The following ARID4B variants were observed in gnomAD, a reference collection of about 807,000 sequenced individuals.
ARID4B encodes the protein AT-rich interactive domain-containing protein 4B.
In ARID4B, 26 loss-of-function variants were observed where a neutral mutation model predicts 147.5. That is an observed-to-expected ratio of 0.18 (90% CI 0.13 to 0.24). ARID4B has a LOEUF of 0.24. Ranked by LOEUF, ARID4B falls within the 10% of genes least tolerant of loss-of-function variation. The pLI, the probability that ARID4B is intolerant of heterozygous loss-of-function variation, is 1.00. For synonymous variants in ARID4B, 512 were observed against 507.9 expected (o/e 1.01, Z -0.11); for missense variants, 1,179 against 1,511.5 (o/e 0.78, Z 3.65).
At position 235,168,579 on chromosome 1, in the gene ARID4B, A is replaced by T. The variant is rs1663098860; in HGVS notation, c.3885T>A (p.Ala1295=). 2 of 1,614,010 alleles carry T rather than the reference A, an allele frequency of 1.2e-6. No individual in the cohort carries two copies. Among genetic ancestry groups the T allele is most frequent in the African/African-American group, 2.7e-5 (2 of 74,938 alleles). Residue 1295 remains alanine, a synonymous_variant, in exon 24 of 24, where the codon GCT becomes GCA. Transcript: ENST00000264183. ...GTGATGCGCTGGACATTGACGGTTCAGCTAAAGTTAACATAACAGCAGCTG... is the reference window on the plus strand; with the variant it reads ...GTGATGCGCTGGACATTGACGGTTCTGCTAAAGTTAACATAACAGCAGCTG... ...SITAAVMLTL[A]EPSMSSASQN...
At chr1:235,277,619 TG>T (rs1558271357) in intron 2 of ARID4B, among the ~76,000 whole-genome samples, 45 of 139,094 alleles carry the variant, frequency 3.2e-4, no homozygotes, top group African/African-American at 1.2e-3. Flanking sequence ...TGTGTGTGTG[TG>T]TGTGTGTGTG....
intron 2 of ARID4B, among the ~76,000 whole-genome samples, chr1:235,299,354 C>T (rs1672969728): frequency 6.6e-6 from 1 of 152,156 alleles, no homozygotes; most frequent in Non-Finnish European, 1.5e-5. Context: ...GCTGGGATTA[C>T]AGGAGCCCAC....
At chr1:235,242,706 A>G (rs917235474) in intron 7 of ARID4B, among the ~76,000 whole-genome samples, 2 of 152,202 alleles carry the variant, frequency 1.3e-5, no homozygotes, top group Admixed American at 1.3e-4. Context: ...AAGACTTAAC[A>G]AGTGTTAAGA....
chr1:235,233,457 A>T (rs771085744), intron 9 of ARID4B, among the ~76,000 whole-genome samples: 1 of 152,012 alleles, frequency 6.6e-6, no homozygotes, highest in Non-Finnish European at 1.5e-5. Flanking sequence ...AGTAAAATAA[A>T]ATAATTAAAA....
intron 2 of ARID4B, among the ~76,000 whole-genome samples, chr1:235,265,815 T>C (rs190714075): frequency 1.3e-5 from 2 of 152,270 alleles, no homozygotes; most frequent in Non-Finnish European, 2.9e-5. Context: ...TGCCTCAGCA[T>C]ACAATAACAG....
intron 3 of ARID4B, 74 bp from the exon 4 acceptor site, chr1:235,257,299 A>G: frequency 1.0e-6 from 1 of 965,726 alleles, no homozygotes; most frequent in Admixed American, 1.8e-5. Flanking sequence ...CCAATTATTC[A>G]TTTGTAGTAA....
At chr1:235,179,552 A>AAAAC (rs1664143674) in intron 20 of ARID4B, among the ~76,000 whole-genome samples, 1 of 149,758 alleles carries the variant, frequency 6.7e-6, no homozygotes, top group Admixed American at 6.7e-5. Flanking sequence ...AAAAAAAAAA[A>AAAAC]ACCCAACAAA....
chr1:235,173,472 T>C (rs911692541), intron 22 of ARID4B, among the ~76,000 whole-genome samples: 1 of 152,196 alleles, frequency 6.6e-6, no homozygotes, highest in Middle Eastern at 3.4e-3. Context: ...TGTTATTTTT[T>C]AGGTTTTTTT....
chr1:235,324,442 C>T (rs1375226924), intron 2 of ARID4B, among the ~76,000 whole-genome samples: 2 of 152,194 alleles, frequency 1.3e-5, no homozygotes, highest in East Asian at 3.8e-4. Context: ...AACACTTCAA[C>T]TTTAAAACAA....
intron 2 of ARID4B, among the ~76,000 whole-genome samples, chr1:235,285,699 G>C (rs894692315): frequency 3.9e-5 from 6 of 152,142 alleles, no homozygotes; most frequent in African/African-American, 1.2e-4. Context: ...AAATCCAAAG[G>C]AATCTACAAA....
chr1:235,327,185 T>G, intron 1 of ARID4B: 4 of 456,732 alleles, frequency 8.8e-6, no homozygotes, highest in Non-Finnish European at 1.2e-5. Context: ...CCCGTCCCCA[T>G]TGTCGAGACC....
chr1:235,281,412 G>A (rs1483612684), intron 2 of ARID4B, among the ~76,000 whole-genome samples: 4 of 152,104 alleles, frequency 2.6e-5, no homozygotes, highest in African/African-American at 7.2e-5. Flanking sequence ...TCAGCTGGGC[G>A]TGGTGGTGCA....
In ARID4B at chr1:235,167,924, T is replaced by A. The variant is rs1193413158; in HGVS notation, c.*601A>T. ...GCCACTGCAAGACCTTTTAGCCTAA[T>A]TCAAACCTGTAAACATGTTCAGTCT... On this transcript the variant is annotated 3_prime_UTR_variant, in exon 24 of 24. Transcript: ENST00000264183. 1 of 196,812 alleles carries A rather than the reference T, an allele frequency of 5.1e-6. No homozygotes were observed. Among genetic ancestry groups the A allele is most frequent in the Non-Finnish European group, 1.1e-5 (1 of 94,644 alleles). The allele number at this position is 196,812 out of a possible 1,614,324, so 12.2% of individuals were successfully genotyped here. A position where few individuals can be genotyped will look rare whatever the true frequency, so the allele number is the denominator to read the frequency against.
chr1:235,306,184 T>C (rs764452982), intron 2 of ARID4B, among the ~76,000 whole-genome samples: 5 of 152,210 alleles, frequency 3.3e-5, no homozygotes, highest in Non-Finnish European at 7.4e-5. Context: ...GATGTTACTT[T>C]AGCAATAAAG....
intron 2 of ARID4B, among the ~76,000 whole-genome samples, chr1:235,289,208 A>C (rs193284367): frequency 4.2e-4 from 64 of 152,362 alleles, no homozygotes; most frequent in African/African-American, 1.5e-3. Context: ...AAGGGAATTC[A>C]ATGTATGACT....
rs577929225 is a variant in ARID4B at position 235,207,960 on chromosome 1, CTTAT to C, written c.1841+5805_1841+5808del. ...TTAACATGCACTAGAACTGTTGTGG[CTTAT>C]TTAAGAGTTTTACAACTGAAGTTTT... On this transcript the variant is annotated intron_variant, in intron 17 of 23. Coordinates refer to ENST00000264183, the MANE Select transcript of ARID4B (RefSeq NM_016374.6). Among the ~76,000 whole-genome samples, 26 of 152,200 alleles carry C rather than the reference CTTAT, an allele frequency of 1.7e-4. No homozygotes were observed. In the South Asian group the frequency reaches 5.4e-3, roughly 32 times the overall value.
At chr1:235,234,247 C>G (rs1668419703) in intron 9 of ARID4B, among the ~76,000 whole-genome samples, 166 bp downstream of exon 9, 2 of 152,060 alleles carry the variant, frequency 1.3e-5, no homozygotes, top group African/African-American at 4.8e-5. Context: ...AAGACTACAA[C>G]ACATTAAGAT....
At chr1:235,250,070 G>A (rs1669549827) in intron 6 of ARID4B, among the ~76,000 whole-genome samples, 1 of 151,936 alleles carries the variant, frequency 6.6e-6, no homozygotes, top group Non-Finnish European at 1.5e-5. Flanking sequence ...TCGCACCACT[G>A]CACTCCAGCC....
At chr1:235,214,945 G>A (rs149680619) in intron 16 of ARID4B, among the ~76,000 whole-genome samples, 6,355 of 146,302 alleles carry the variant, frequency 0.043, 448 homozygotes, top group African/African-American at 0.14. Context: ...AGGTTCAAGC[G>A]ATTCTCCTGC....
Sources: gnomAD v4.1 joint callset for allele counts (sites outside exome capture counted in the v4.1 genomes callset) on GRCh38, gnomAD v4.1.1 for gene constraint, MANE v1.5 for transcripts, NCBI Gene and HGNC (gene_info 2026-07-23, HGNC 2026-07-21) for gene names.